The following TAFA5 variants were observed in gnomAD, a reference collection of about 807,000 sequenced individuals.
TAFA5 encodes the protein TAFA chemokine like family member 5.
In TAFA5, 6 loss-of-function variants were observed where a neutral mutation model predicts 15.3. The observed-to-expected ratio is 0.39, with a 90% CI of 0.21 to 0.77. The LOEUF is 0.77. Among genes scored for constraint, TAFA5 ranks in the 30% least tolerant of loss-of-function variants. TAFA5 has a pLI of 0.41. For missense variants in TAFA5, 161 were observed against 193.1 expected, an observed-to-expected ratio of 0.83 and a Z score of 0.98; for synonymous variants, 103 against 80.7, an observed-to-expected ratio of 1.28 and a Z score of -1.48.
intron 1 of TAFA5, chr22:48,539,486 C>T (rs775665836): frequency 2.1e-6 from 1 of 471,146 alleles, no homozygotes; most frequent in Non-Finnish European, 4.4e-6. Flanking sequence ...GTTGACTTTT[C>T]TTAAAGACGG....
At chr22:48,682,374 G>A (rs550854630) in intron 2 of TAFA5, among the ~76,000 whole-genome samples, 14 of 152,228 alleles carry the variant, frequency 9.2e-5, no homozygotes, top group Non-Finnish European at 2.1e-4. Context: ...GGCAGAAGGG[G>A]TACAGGTGGC....
At chr22:48,748,694 C>G (rs1405867934) in intron 3 of TAFA5, among the ~76,000 whole-genome samples, 1 of 152,322 alleles carries the variant, frequency 6.6e-6, no homozygotes, top group East Asian at 1.9e-4. Flanking sequence ...GACTGGCGCC[C>G]AGGAGCTCAG....
intron 2 of TAFA5, among the ~76,000 whole-genome samples, chr22:48,678,445 G>T (rs952148471): frequency 6.6e-6 from 1 of 152,220 alleles, no homozygotes; most frequent in Admixed American, 6.5e-5. Flanking sequence ...CCAGGAAGAG[G>T]TCGGGCACCA....
intron 2 of TAFA5, among the ~76,000 whole-genome samples, chr22:48,667,244 G>A (rs1471294572): frequency 3.6e-5 from 5 of 137,732 alleles, no homozygotes; most frequent in East Asian, 5.2e-4. Flanking sequence ...AGCCAGCCCC[G>A]CACTGCATCT....
chr22:48,561,568 G>A (rs111918127), intron 1 of TAFA5, among the ~76,000 whole-genome samples: 1 of 152,282 alleles, frequency 6.6e-6, no homozygotes, highest in South Asian at 2.1e-4. Flanking sequence ...GTTTGTATCC[G>A]CTCCTAACAG....
intron 1 of TAFA5, among the ~76,000 whole-genome samples, chr22:48,638,084 C>T (rs1926515982): frequency 1.3e-5 from 2 of 152,102 alleles, no homozygotes; most frequent in African/African-American, 2.4e-5. Flanking sequence ...GAGCACTCAC[C>T]TGCGGGTATC....
intron 2 of TAFA5, among the ~76,000 whole-genome samples, chr22:48,689,265 C>G (rs1038754120): frequency 6.6e-6 from 1 of 152,274 alleles, no homozygotes. Flanking sequence ...AGCAGATGGA[C>G]GTAGACACGT....
chr22:48,689,495 C>T (rs1003872727), intron 2 of TAFA5, among the ~76,000 whole-genome samples: 16 of 152,188 alleles, frequency 1.1e-4, no homozygotes, highest in African/African-American at 3.9e-4. Context: ...GGTTCTGACG[C>T]CTGAGGAACC....
chr22:48,715,800 G>A (rs2147257064), intron 3 of TAFA5, among the ~76,000 whole-genome samples: 1 of 152,384 alleles, frequency 6.6e-6, no homozygotes, highest in Non-Finnish European at 1.5e-5. Flanking sequence ...AGTTTGGACA[G>A]TGAGTCTGGA....
chr22:48,525,218 G>C (rs896117080), intron 1 of TAFA5, among the ~76,000 whole-genome samples: 32 of 152,314 alleles, frequency 2.1e-4, no homozygotes, highest in Middle Eastern at 3.4e-3. Flanking sequence ...ACAGGCTCCA[G>C]AGATTAGGAG....
chr22:48,568,972 C>G (rs1056860921), intron 1 of TAFA5, among the ~76,000 whole-genome samples: 1 of 152,218 alleles, frequency 6.6e-6, no homozygotes, highest in Admixed American at 6.5e-5. Flanking sequence ...CTCTTGTGCT[C>G]ACGGCCAGGG....
At chr22:48,580,356 G>C (rs376960166) in intron 1 of TAFA5, among the ~76,000 whole-genome samples, 9 of 152,334 alleles carry the variant, frequency 5.9e-5, no homozygotes, top group African/African-American at 2.2e-4. Context: ...CCAATGCAGA[G>C]TGTTCGTCTA....
In TAFA5 at chr22:48,657,236, G is replaced by C. The variant is rs1009509879; in HGVS notation, c.262+10490G>C. Among the ~76,000 whole-genome samples, 9 of 152,280 alleles carry C rather than the reference G, an allele frequency of 5.9e-5. No individual in the cohort carries two copies. In the East Asian group the frequency reaches 1.7e-3, roughly 29 times the overall value. On this transcript the variant is annotated intron_variant, in intron 2 of 3. Transcript: ENST00000402357. ...CACCATATGAAATAAAAAGGTTAAA[G>C]GGATACTATGAACAATTGTATGCCA...
At chr22:48,682,345 C>A (rs1001289241) in intron 2 of TAFA5, among the ~76,000 whole-genome samples, 1 of 152,238 alleles carries the variant, frequency 6.6e-6, no homozygotes, top group African/African-American at 2.4e-5. Context: ...ACCCAAGGGG[C>A]TGCAGATGAA....
Position 48,530,744 on chromosome 22 carries a change from A to T in TAFA5, c.112+41040A>T, listed in dbSNP as rs1036153538. 6.6e-6 allele frequency among the ~76,000 whole-genome samples: 1 copy of T among 151,662 alleles called. No homozygotes were observed. The highest frequency in any genetic ancestry group is 2.4e-5 in the African/African-American group (1 of 41,238). ...GTCATAGCCACCTGGTTCACACCTG[A>T]CCCCCAGGCCCACCCCTTCAGGGGG... On this transcript the variant is annotated intron_variant, in intron 1 of 3. Transcript: ENST00000402357. The surrounding 1 kb of genome is among the most constrained non-coding windows in gnomAD (Gnocchi z 6.0).
intron 2 of TAFA5, among the ~76,000 whole-genome samples, chr22:48,683,835 A>G (rs112844331): frequency 0.011 from 1,688 of 152,194 alleles, 33 homozygotes; most frequent in African/African-American, 0.039. Context: ...TTCTCATGAC[A>G]GTGAGTGAGT....
chr22:48,519,564 C>T (rs552372730), intron 1 of TAFA5, among the ~76,000 whole-genome samples: 1 of 152,070 alleles, frequency 6.6e-6, no homozygotes, highest in Non-Finnish European at 1.5e-5. Context: ...TGTGGGTCCC[C>T]TGTGGCTGCT....
chr22:48,529,338 TC>T (rs1385025708), intron 1 of TAFA5, among the ~76,000 whole-genome samples: 5 of 82,998 alleles, frequency 6.0e-5, no homozygotes, highest in Non-Finnish European at 1.2e-4. Flanking sequence ...GATGAGGGTG[TC>T]CAGGCAGGAG....
chr22:48,511,703 C>T (rs1159038473), intron 1 of TAFA5, among the ~76,000 whole-genome samples: 2 of 152,244 alleles, frequency 1.3e-5, no homozygotes, highest in African/African-American at 2.4e-5. Context: ...CGGCCCGGCA[C>T]ACACAGGCCC....
Sources: allele counts gnomAD v4.1 joint callset (sites outside exome capture counted in the v4.1 genomes callset), GRCh38; gene constraint gnomAD v4.1.1; non-coding constraint Gnocchi (gnomAD v3.1); transcripts MANE v1.5; gene names NCBI Gene and HGNC (gene_info 2026-07-23, HGNC 2026-07-21).